Variants in SIK2 observed in about 807,000 individuals in gnomAD.
SIK2 encodes the protein serine/threonine-protein kinase SIK2.
In SIK2, 29 loss-of-function variants were observed where a neutral mutation model predicts 103.2. The observed-to-expected ratio is 0.28, with a 90% CI of 0.21 to 0.38. SIK2 has a LOEUF of 0.38. Ranked by LOEUF, SIK2 falls within the 10% of genes least tolerant of loss-of-function variation. SIK2 has a pLI of 1.00. For missense variants in SIK2, 879 were observed against 1,171.0 expected (o/e 0.75, Z 3.64); for synonymous variants, 412 against 446.1 (o/e 0.92, Z 0.96).
Position 111,723,787 on chromosome 11 carries a change from T to C in SIK2, c.2439T>C (p.Pro813=). ...PSTSGPRAAP[P]LPTQLQQQQP... Reference sequence around the variant, plus strand: ...CTTCCGGTCCCCGGGCTGCTCCTCCTCTGCCCACGCAGCTACAGCAGCAGC... The same window carrying C: ...CTTCCGGTCCCCGGGCTGCTCCTCCCCTGCCCACGCAGCTACAGCAGCAGC... The change falls in exon 15 of 15, where the codon CCT becomes CCC. Residue 813 remains proline (P), a synonymous_variant. Coordinates refer to ENST00000304987, the MANE Select transcript of SIK2 (RefSeq NM_015191.3). 1 of 1,613,902 alleles carries C rather than the reference T, an allele frequency of 6.2e-7. No individual in the cohort carries two copies. Among genetic ancestry groups the C allele is most frequent in the Non-Finnish European group, 8.5e-7 (1 of 1,180,038 alleles).
At position 111,695,213 on chromosome 11, in the gene SIK2, TC is replaced by T. The variant is rs1184320889; in HGVS notation, c.479-5672del. Among the ~76,000 whole-genome samples the T allele has an allele frequency of 2.6e-5, 4 of 152,294 alleles. No homozygotes were observed. In the East Asian group the frequency reaches 7.7e-4, roughly 29 times the overall value. ...CTTCATCGAGGCTGGGTAGCTGAATTCTGCTGGTAATTTTAGAAACAAGGAT... is the reference window on the plus strand; with the variant it reads ...CTTCATCGAGGCTGGGTAGCTGAATTTGCTGGTAATTTTAGAAACAAGGAT... On this transcript the variant is annotated intron_variant, in intron 4 of 14. Coordinates refer to ENST00000304987, the MANE Select transcript of SIK2 (RefSeq NM_015191.3).
chr11:111,618,148 A>T (rs1164340032), intron 2 of SIK2, among the ~76,000 whole-genome samples: 1 of 152,108 alleles, frequency 6.6e-6, no homozygotes, highest in Non-Finnish European at 1.5e-5. Context: ...AAGGAGTGTG[A>T]ATCCTAGATC....
In SIK2 at chr11:111,724,033, C is replaced by T. The variant is rs76044278; in HGVS notation, c.2685C>T (p.Tyr895=). 6.9e-4 allele frequency: 1,110 copies of T among 1,614,192 alleles called. 10 individuals are homozygous for T. The Admixed American group carries it at 0.01, about 15-fold the overall frequency. The part of the protein sequence containing the change: ...SPGLQEAPSS[Y]DPLALSELPG... ...GACTGCAAGAGGCCCCCTCCAGCTA[C>T]GACCCACTAGCCCTCTCTGAGCTAC... Residue 895 remains tyrosine (Y), a synonymous_variant, in exon 15 of 15, where the codon TAC becomes TAT. Transcript: ENST00000304987.
intron 3 of SIK2, among the ~76,000 whole-genome samples, chr11:111,627,723 T>G (rs1183537033): frequency 1.3e-5 from 2 of 152,224 alleles, no homozygotes; most frequent in Non-Finnish European, 1.5e-5. Flanking sequence ...AGTCAGTCTT[T>G]ATTTAACTTT....
At chr11:111,677,586 A>T (rs1168950867) in intron 3 of SIK2, among the ~76,000 whole-genome samples, 22 of 110,938 alleles carry the variant, frequency 2.0e-4, no homozygotes, top group Middle Eastern at 5.0e-3. Context: ...CCCAGCTAAA[A>T]TTTTTTTTTT....
intron 3 of SIK2, among the ~76,000 whole-genome samples, chr11:111,623,971 C>T (rs1368260095): frequency 3.3e-5 from 5 of 152,174 alleles, no homozygotes; most frequent in Non-Finnish European, 5.9e-5. Context: ...TTCATGGTCT[C>T]GCCTCATTTG....
intron 3 of SIK2, among the ~76,000 whole-genome samples, chr11:111,649,969 G>A (rs1942307244): frequency 6.6e-6 from 1 of 152,008 alleles, no homozygotes; most frequent in South Asian, 2.1e-4. Flanking sequence ...TAGTTTAGTG[G>A]CTTACTAATT....
chr11:111,705,508 C>T lies in SIK2; in HGVS notation c.1101+369C>T, dbSNP rs553772382. Among the ~76,000 whole-genome samples, 12 of 152,058 alleles carry T rather than the reference C, an allele frequency of 7.9e-5. No homozygotes were observed. Among genetic ancestry groups the T allele is most frequent in the African/African-American group, 1.9e-4 (8 of 41,468 alleles). On this transcript the variant is annotated intron_variant, in intron 8 of 14. Transcript: ENST00000304987. The surrounding 1 kb of genome is among the most constrained non-coding windows in gnomAD (Gnocchi z 4.3). ...ACAGTCACTGCCCTCAGAGACATCG[C>T]GCTATAAAAATGAAATAAGACAAGA...
chr11:111,725,869 A>AC lies in SIK2; in HGVS notation c.*1741dup, dbSNP rs756026345. Reference sequence around the variant, plus strand: ...GGGTGCCAGGATGCTTCGCAGAGGCACTGTGCTCACGGTTGGACTTGGTGT... The same window carrying AC: ...GGGTGCCAGGATGCTTCGCAGAGGCACCTGTGCTCACGGTTGGACTTGGTGT... On this transcript the variant is annotated 3_prime_UTR_variant, in exon 15 of 15. Transcript: ENST00000304987. 1 of 152,520 alleles carries AC rather than the reference A, an allele frequency of 6.6e-6. No homozygotes were observed. The highest frequency in any genetic ancestry group is 2.1e-4 in the South Asian group (1 of 4,830). The allele number at this position is 152,520 out of a possible 1,614,324, so 9.4% of individuals were successfully genotyped here. A position where few individuals can be genotyped will look rare whatever the true frequency, so the allele number is the denominator to read the frequency against.
chr11:111,620,176 A>G (rs777785900), intron 2 of SIK2, among the ~76,000 whole-genome samples, 163 bp from the exon 3 acceptor site: 1 of 152,218 alleles, frequency 6.6e-6, no homozygotes, highest in Non-Finnish European at 1.5e-5. Flanking sequence ...TCACAAACAC[A>G]TTAATCAGAA....
chr11:111,680,477 A>G (rs1478490987), intron 3 of SIK2, among the ~76,000 whole-genome samples: 1 of 152,202 alleles, frequency 6.6e-6, no homozygotes, highest in Admixed American at 6.5e-5. Flanking sequence ...CTTTACTCCA[A>G]AATTACAAAC....
chr11:111,712,514 C>T (rs1278519634), intron 9 of SIK2, 139 bp downstream of exon 9: 11 of 869,660 alleles, frequency 1.3e-5, no homozygotes, highest in Non-Finnish European at 1.4e-5. Context: ...TGGAGAAAAA[C>T]CTTAGAACAG....
In SIK2 at chr11:111,688,426, G is replaced by A. The variant is rs1942876457; in HGVS notation, c.478+264G>A. 6.6e-6 allele frequency among the ~76,000 whole-genome samples: 1 copy of A among 152,194 alleles called. No individual in the cohort carries two copies. Among genetic ancestry groups the A allele is most frequent in the African/African-American group, 2.4e-5 (1 of 41,442 alleles). ...GGCAGGGTTTCGGGGTGCTCTGCTG[G>A]AAGAGGTACATTTATCTGAGTGTCA... On this transcript the variant is annotated intron_variant, in intron 4 of 14. Coordinates refer to ENST00000304987, the MANE Select transcript of SIK2 (RefSeq NM_015191.3). This position sits in a 1 kb window ranked among gnomAD's most constrained non-coding sequence, Gnocchi z 4.2.
At chr11:111,645,411 A>G (rs557834351) in intron 3 of SIK2, among the ~76,000 whole-genome samples, 1 of 152,378 alleles carries the variant, frequency 6.6e-6, no homozygotes, top group East Asian at 1.9e-4. Flanking sequence ...AATGACTCGT[A>G]AAAACATATT....
At chr11:111,690,921 C>T (rs1422492400) in intron 4 of SIK2, among the ~76,000 whole-genome samples, 1 of 152,122 alleles carries the variant, frequency 6.6e-6, no homozygotes, top group Non-Finnish European at 1.5e-5. Flanking sequence ...AAGAAACATA[C>T]ATGCACATGT....
intron 3 of SIK2, among the ~76,000 whole-genome samples, chr11:111,660,348 G>A (rs761917176): frequency 2.0e-5 from 3 of 151,842 alleles, no homozygotes; most frequent in Non-Finnish European, 2.9e-5. Context: ...CCGTGTATAA[G>A]CTCTTCTTCT....
chr11:111,614,564 T>C (rs1941777540), intron 1 of SIK2, among the ~76,000 whole-genome samples: 1 of 152,158 alleles, frequency 6.6e-6, no homozygotes, highest in Admixed American at 6.5e-5. Context: ...TTATTACTCA[T>C]TAAGTGAAGT....
chr11:111,694,259 CTTATTAA>C (rs1943018540), intron 4 of SIK2, among the ~76,000 whole-genome samples: 1 of 151,978 alleles, frequency 6.6e-6, no homozygotes, highest in African/African-American at 2.4e-5. Context: ...GCTTTAAAGC[CTTATTAA>C]TACAAACCTT....
At chr11:111,626,719 A>AAT in intron 3 of SIK2, among the ~76,000 whole-genome samples, 1 of 151,828 alleles carries the variant, frequency 6.6e-6, no homozygotes, top group South Asian at 2.1e-4. Flanking sequence ...ACAAAAAAAA[A>AAT]AAAGTAATTT....
Sources: gnomAD v4.1 joint callset for allele counts (sites outside exome capture counted in the v4.1 genomes callset) on GRCh38, gnomAD v4.1.1 for gene constraint, Gnocchi (gnomAD v3.1) non-coding constraint, MANE v1.5 for transcripts, NCBI Gene and HGNC (gene_info 2026-07-23, HGNC 2026-07-21) for gene names.